The following NLRC4 variants were observed in gnomAD, a reference collection of about 807,000 sequenced individuals.
NLRC4 encodes NLR family CARD domain-containing protein 4.
In NLRC4, 63 loss-of-function variants were observed where a neutral mutation model predicts 79.9. The ratio of observed to expected loss-of-function variants is 0.79; its 90% CI spans 0.64 to 0.97. NLRC4 has a LOEUF of 0.97. Ranked by LOEUF, NLRC4 falls within the 50% of genes least tolerant of loss-of-function variation. The pLI is 0.00. For missense variants in NLRC4, 1,074 were observed against 1,215.2 expected, an observed-to-expected ratio of 0.88 and a Z score of 1.73; for synonymous variants, 461 against 456.5, an observed-to-expected ratio of 1.01 and a Z score of -0.12.
chr2:32,241,613 C>T (rs539057613), intron 4 of NLRC4, among the ~76,000 whole-genome samples: 57 of 152,110 alleles, frequency 3.7e-4, no homozygotes, highest in Admixed American at 3.5e-3. Flanking sequence ...CTCCTGACCT[C>T]GTGATCCGCC....
At chr2:32,242,806 G>C (rs983371828) in intron 4 of NLRC4, among the ~76,000 whole-genome samples, 3 of 152,150 alleles carry the variant, frequency 2.0e-5, no homozygotes, top group East Asian at 1.9e-4. Context: ...CCGTGCTTTG[G>C]GGGGCAGAGG....
At chr2:32,261,146 T>TAG (rs1291323509) in intron 1 of NLRC4, among the ~76,000 whole-genome samples, 1 of 149,172 alleles carries the variant, frequency 6.7e-6, no homozygotes, top group Non-Finnish European at 1.5e-5. Flanking sequence ...TGAGCCGAGA[T>TAG]CGCAGCACTG....
At chr2:32,255,018 C>G (rs1687172729) in intron 2 of NLRC4, among the ~76,000 whole-genome samples, 1 of 151,822 alleles carries the variant, frequency 6.6e-6, no homozygotes, top group Non-Finnish European at 1.5e-5. Flanking sequence ...TCAATCACTC[C>G]AAGCACCAGG....
In NLRC4 at chr2:32,250,619, G is replaced by A. The variant is rs1268489373; in HGVS notation, c.1245C>T (p.Ser415=). The part of the protein sequence containing the change: ...KFDFELQDVS[S]VNEDVLLTTG... Reference sequence around the variant, plus strand: ...TTGTCAGCAGGACATCCTCATTCACGCTGGACACATCCTGCAGTTCGAAAT... The same window carrying A: ...TTGTCAGCAGGACATCCTCATTCACACTGGACACATCCTGCAGTTCGAAAT... The change falls in exon 4 of 9, where the codon AGC becomes AGT. Residue 415 remains serine, a synonymous_variant. Transcript: ENST00000402280. This position sits in a 1 kb window ranked among gnomAD's most constrained non-coding sequence, Gnocchi z 4.9. 14 of 1,614,108 alleles carry A rather than the reference G, an allele frequency of 8.7e-6. No homozygotes were observed. The highest frequency in any genetic ancestry group is 1.1e-5 in the Non-Finnish European group (13 of 1,180,010).
intron 6 of NLRC4, among the ~76,000 whole-genome samples, chr2:32,237,545 T>C (rs938222757): frequency 1.3e-5 from 2 of 152,268 alleles, no homozygotes; most frequent in South Asian, 2.1e-4. Flanking sequence ...CCAGCAGTTA[T>C]ATAGTTTAAC....
chr2:32,224,864 T>G, intron 8 of NLRC4, 99 bp from the exon 9 acceptor site: 1 of 695,816 alleles, frequency 1.4e-6, no homozygotes, highest in East Asian at 2.8e-5. Flanking sequence ...TTTTTCACTC[T>G]GAAATGGCCA....
chr2:32,259,204 TC>T (rs1195238857), intron 1 of NLRC4, among the ~76,000 whole-genome samples: 1 of 150,738 alleles, frequency 6.6e-6, no homozygotes, highest in South Asian at 2.1e-4. Context: ...CAGGTGATCT[TC>T]CCACCTCAGC....
At position 32,251,615 on chromosome 2, in the gene NLRC4, G is replaced by A. The variant is rs767017055; in HGVS notation, c.263-14C>T. The A allele has an allele frequency of 6.4e-7, 1 of 1,552,900 alleles. No homozygotes were observed. Among genetic ancestry groups the A allele is most frequent in the Admixed American group, 1.9e-5 (1 of 52,468 alleles). On this transcript the variant is annotated splice_polypyrimidine_tract_variant and intron_variant, in intron 3 of 8. Transcript: ENST00000402280. ...GATGAAAAAGACCTATTAGAGAAGA[G>A]GTGATGTTAAAGAAGACCCAATTCT...
At chr2:32,247,366 G>C (rs1260225628) in intron 4 of NLRC4, among the ~76,000 whole-genome samples, 1 of 148,512 alleles carries the variant, frequency 6.7e-6, no homozygotes, top group African/African-American at 2.5e-5. Flanking sequence ...CCAGGCTGGA[G>C]TGCAATGGCG....
intron 8 of NLRC4, among the ~76,000 whole-genome samples, chr2:32,229,673 T>C (rs1686486218): frequency 6.6e-6 from 1 of 152,130 alleles, no homozygotes; most frequent in Non-Finnish European, 1.5e-5. Flanking sequence ...AAACATTTAA[T>C]ATCTGGGTAG....
chr2:32,238,016 T>C, intron 6 of NLRC4, 116 bp downstream of exon 6: 1 of 719,420 alleles, frequency 1.4e-6, no homozygotes, highest in Non-Finnish European at 2.1e-6. Flanking sequence ...GAAGTTTTTA[T>C]TTTCCAGTTT....
Position 32,236,183 on chromosome 2 carries a change from A to C in NLRC4, c.2614+64T>G, listed in dbSNP as rs149359445. 5.1e-6 allele frequency: 5 copies of C among 979,238 alleles called. No individual in the cohort carries two copies. In the Admixed American group the frequency reaches 8.7e-5, roughly 17 times the overall value. The allele number at this position is 979,238 out of a possible 1,614,324, so 60.7% of individuals were successfully genotyped here. On this transcript the variant is annotated intron_variant, in intron 7 of 8. Coordinates refer to ENST00000402280, the MANE Select transcript of NLRC4 (RefSeq NM_001199138.2). The stretch of plus-strand genomic sequence containing the variant: ...TATAAAAGACCTCAGGACCCAGGCT[A>C]TGTATTTCGACTACCCAGTATACAT...
Position 32,251,138 on chromosome 2 carries a change from C to G in NLRC4, c.726G>C (p.Arg242Ser), listed in dbSNP as rs1304512133. 6.2e-7 allele frequency: 1 copy of G among 1,614,114 alleles called. No homozygotes were observed. Among genetic ancestry groups the G allele is most frequent in the Admixed American group, 1.7e-5 (1 of 60,004 alleles). Residue 242 changes from arginine to serine, a missense_variant, in exon 4 of 9, where the codon AGG becomes AGC. Transcript: ENST00000402280. ...FMAMLLKLRQ[R>S]VLFLLDGYNE... ...TGTAGCCATCAAGAAGGAAAAGAAC[C>G]CTCTGCCGCAGCTTCAGCAGCATGG...
At chr2:32,226,951 T>TTA (rs1686416323) in intron 8 of NLRC4, among the ~76,000 whole-genome samples, 1 of 152,090 alleles carries the variant, frequency 6.6e-6, no homozygotes, top group Non-Finnish European at 1.5e-5. Context: ...ATTCCATAGT[T>TTA]AATAGAGTTT....
At chr2:32,249,517 G>A (rs1013012814) in intron 4 of NLRC4, 90 bp downstream of exon 4, 18 of 1,096,530 alleles carry the variant, frequency 1.6e-5, no homozygotes, top group Non-Finnish European at 2.4e-5. Context: ...CCCTTTAGAA[G>A]AAATAAAGTC....
chr2:32,251,905 G>A (rs1687087741), intron 3 of NLRC4, among the ~76,000 whole-genome samples: 1 of 152,150 alleles, frequency 6.6e-6, no homozygotes, highest in African/African-American at 2.4e-5. Flanking sequence ...AGAGAAAGAT[G>A]GTTAGGGATA....
chr2:32,261,316 C>CCCTTTTTTTTTTTTTTTTTTCTTTTTT, intron 1 of NLRC4, among the ~76,000 whole-genome samples: 1 of 96,884 alleles, frequency 1.0e-5, no homozygotes, highest in Non-Finnish European at 2.1e-5. Flanking sequence ...AGCCTCCCCC[C>CCCTTTTTTTTTTTTTTTTTTCTTTTTT]TTTTGTTTTT....
At position 32,238,241 on chromosome 2, in the gene NLRC4, A is replaced by G. The variant is rs1342452117; in HGVS notation, c.2412T>C (p.Ile804=). 2 of 1,613,138 alleles carry G rather than the reference A, an allele frequency of 1.2e-6. No individual in the cohort carries two copies. Among genetic ancestry groups the G allele is most frequent in the Admixed American group, 1.7e-5 (1 of 59,822 alleles). The change falls in exon 6 of 9, where the codon ATT becomes ATC. Residue 804 remains isoleucine (I), a synonymous_variant. Transcript: ENST00000402280. The part of the protein sequence containing the change: ...CLFHLTHLSD[I]GEGMDYIVKS... ...TGACTATGTAATCCATTCCCTCTCC[A>G]ATGTCAGACAAGTGGGTCAAATGAA...
chr2:32,237,715 A>C (rs1368431129), intron 6 of NLRC4, among the ~76,000 whole-genome samples: 1 of 152,174 alleles, frequency 6.6e-6, no homozygotes, highest in Non-Finnish European at 1.5e-5. Flanking sequence ...ATGCACATTA[A>C]CTTCATCTTA....
Sources: allele counts gnomAD v4.1 joint callset (sites outside exome capture counted in the v4.1 genomes callset), GRCh38; gene constraint gnomAD v4.1.1; non-coding constraint Gnocchi (gnomAD v3.1); transcripts MANE v1.5; gene names NCBI Gene and HGNC (gene_info 2026-07-23, HGNC 2026-07-21).